The following TSHZ2 variants were observed in gnomAD, a reference collection of about 807,000 sequenced individuals.
TSHZ2 encodes the protein teashirt zinc finger homeobox 2.
A neutral mutation model predicts 74.4 loss-of-function variants in TSHZ2; 21 were observed. That is an observed-to-expected ratio of 0.28 (90% CI 0.20 to 0.41). TSHZ2 has a LOEUF of 0.41. Among genes scored for constraint, TSHZ2 ranks in the 10% least tolerant of loss-of-function variants. TSHZ2 has a pLI of 1.00. For missense variants in TSHZ2, 1,244 were observed against 1,293.5 expected (o/e 0.96, Z 0.59); for synonymous variants, 540 against 515.3 (o/e 1.05, Z -0.65).
chr20:52,995,086 C>T (rs1236267751), intron 1 of TSHZ2, among the ~76,000 whole-genome samples: 1 of 152,214 alleles, frequency 6.6e-6, no homozygotes, highest in African/African-American at 2.4e-5. Flanking sequence ...CTAACCTCAG[C>T]ACCTCTAGAG....
chr20:53,002,460 T>A (rs1982475944), intron 1 of TSHZ2, among the ~76,000 whole-genome samples: 1 of 152,176 alleles, frequency 6.6e-6, no homozygotes, highest in African/African-American at 2.4e-5. Context: ...TGATTATTCT[T>A]TCCATTACCC....
In TSHZ2 at chr20:53,492,739, TTA is replaced by T. The variant is rs1647283868; in HGVS notation, c.*5610_*5611del. 6.6e-6 allele frequency: 1 copy of T among 152,198 alleles called. No individual in the cohort carries two copies. Among genetic ancestry groups the T allele is most frequent in the African/African-American group, 2.4e-5 (1 of 41,454 alleles). 9.4% of individuals were successfully genotyped at this position (152,198 alleles called of 1,614,324 possible). Reference sequence around the variant, plus strand: ...AAACCTGATATCAAACACATTTATGTTATATATTTGCTCCCTTGCATTAATTC... The same window carrying T: ...AAACCTGATATCAAACACATTTATGTTATATTTGCTCCCTTGCATTAATTC... On this transcript the variant is annotated 3_prime_UTR_variant, in exon 3 of 3. Transcript: ENST00000371497.
chr20:52,995,555 G>A (rs1263594656), intron 1 of TSHZ2, among the ~76,000 whole-genome samples: 1 of 151,744 alleles, frequency 6.6e-6, no homozygotes, highest in Admixed American at 6.6e-5. Context: ...TTGCAACCAA[G>A]TGCTTTGAAC....
intron 1 of TSHZ2, among the ~76,000 whole-genome samples, chr20:53,005,145 C>G (rs1982594082): frequency 6.6e-6 from 1 of 152,010 alleles, no homozygotes; most frequent in African/African-American, 2.4e-5. Flanking sequence ...AACCCTGTCT[C>G]TACTAAAAAT....
intron 2 of TSHZ2, among the ~76,000 whole-genome samples, chr20:53,341,715 G>T (rs577635091): frequency 2.0e-5 from 3 of 151,962 alleles, no homozygotes; most frequent in Admixed American, 2.0e-4. Flanking sequence ...TGTGGGGCAG[G>T]GGGGTGCGGG....
At chr20:53,025,653 T>C (rs997115353) in intron 1 of TSHZ2, among the ~76,000 whole-genome samples, 2 of 152,156 alleles carry the variant, frequency 1.3e-5, no homozygotes, top group African/African-American at 4.8e-5. Flanking sequence ...CTGTATTTTC[T>C]TACTTTCAGA....
intron 1 of TSHZ2, among the ~76,000 whole-genome samples, chr20:53,240,593 C>T (rs566009181): frequency 6.6e-6 from 1 of 152,166 alleles, no homozygotes; most frequent in South Asian, 2.1e-4. Flanking sequence ...TAATAATCCT[C>T]CTCCAGGTCA....
At chr20:53,055,144 A>AC (rs1298367792) in intron 1 of TSHZ2, among the ~76,000 whole-genome samples, 4 of 152,092 alleles carry the variant, frequency 2.6e-5, no homozygotes, top group African/African-American at 9.7e-5. Flanking sequence ...AAGCAAATGA[A>AC]CAGGTCTAAA....
chr20:53,436,548 A>ATTTTTTTTTTTTTT (rs11411794), intron 2 of TSHZ2, among the ~76,000 whole-genome samples: 1 of 99,952 alleles, frequency 1.0e-5, no homozygotes, highest in East Asian at 3.2e-4. Flanking sequence ...TATTATTATT[A>ATTTTTTTTTTTTTT]TTTTTTTTTT....
chr20:53,423,604 C>G (rs1983556459), intron 2 of TSHZ2, among the ~76,000 whole-genome samples: 1 of 152,180 alleles, frequency 6.6e-6, no homozygotes, highest in African/African-American at 2.4e-5. Context: ...CCAGAGTTTT[C>G]TCTAGACTTT....
intron 1 of TSHZ2, among the ~76,000 whole-genome samples, chr20:53,094,711 A>C (rs942277687): frequency 6.6e-6 from 1 of 152,210 alleles, no homozygotes; most frequent in African/African-American, 2.4e-5. Flanking sequence ...CAAAAATGCT[A>C]CTATGCCCCC....
At chr20:53,043,354 G>T (rs970667306) in intron 1 of TSHZ2, among the ~76,000 whole-genome samples, 7 of 152,116 alleles carry the variant, frequency 4.6e-5, no homozygotes, top group African/African-American at 1.4e-4. Context: ...CACAACTCAG[G>T]GAGTGGGGTT....
At chr20:52,977,041 A>C (rs559499139) in intron 1 of TSHZ2, among the ~76,000 whole-genome samples, 1 of 152,196 alleles carries the variant, frequency 6.6e-6, no homozygotes, top group Admixed American at 6.5e-5. Flanking sequence ...TTTGCACCTT[A>C]ATAACACAGG....
intron 1 of TSHZ2, among the ~76,000 whole-genome samples, chr20:52,994,601 T>C (rs1053408993): frequency 1.3e-5 from 2 of 152,208 alleles, no homozygotes; most frequent in Admixed American, 6.5e-5. Context: ...ACATTTTCAT[T>C]AGCAATGGTT....
chr20:53,270,002 C>G (rs1248268937), intron 2 of TSHZ2, among the ~76,000 whole-genome samples: 1 of 152,084 alleles, frequency 6.6e-6, no homozygotes, highest in Non-Finnish European at 1.5e-5. Flanking sequence ...CCTTCATTTA[C>G]TAATTTACCT....
intron 1 of TSHZ2, among the ~76,000 whole-genome samples, chr20:53,118,304 T>TA (rs1344883960): frequency 7.2e-5 from 11 of 151,988 alleles, no homozygotes; most frequent in Non-Finnish European, 1.5e-5. Flanking sequence ...AGAGTTAAAA[T>TA]ATGACCCAAA....
At chr20:53,081,907 T>TA (rs1366828555) in intron 1 of TSHZ2, among the ~76,000 whole-genome samples, 1 of 151,578 alleles carries the variant, frequency 6.6e-6, no homozygotes, top group Admixed American at 6.6e-5. Context: ...CTTTTTTTTT[T>TA]TTTTCTGAGA....
chr20:53,424,559 C>T (rs188053591), intron 2 of TSHZ2, among the ~76,000 whole-genome samples: 253 of 150,322 alleles, frequency 1.7e-3, no homozygotes, highest in African/African-American at 5.9e-3. Flanking sequence ...TGACCAACCT[C>T]TTTTTTTTTT....
At chr20:53,160,914 A>G (rs1987917397) in intron 1 of TSHZ2, among the ~76,000 whole-genome samples, 1 of 151,938 alleles carries the variant, frequency 6.6e-6, no homozygotes, top group East Asian at 1.9e-4. Context: ...ATAAGGTGCT[A>G]ATAGGCCAGG....
Sources: gnomAD v4.1 joint callset for allele counts (sites outside exome capture counted in the v4.1 genomes callset) on GRCh38, gnomAD v4.1.1 for gene constraint, MANE v1.5 for transcripts, NCBI Gene and HGNC (gene_info 2026-07-23, HGNC 2026-07-21) for gene names.